Variants in PCDH15 observed in about 807,000 individuals in gnomAD.
PCDH15 encodes the protein protocadherin related 15, also known as protocadherin-15.
Under a neutral mutation model 178.5 loss-of-function variants are expected in PCDH15, and 129 were observed. The observed-to-expected ratio is 0.72, with a 90% CI of 0.63 to 0.84. The LOEUF is 0.84. Among genes scored for constraint, PCDH15 ranks in the 40% least tolerant of loss-of-function variants. The probability of loss-of-function intolerance (pLI) is 0.00; values close to 1 mark genes in which losing one functional copy is unlikely to be tolerated. For synonymous variants in PCDH15, 800 were observed against 732.0 expected, an observed-to-expected ratio of 1.09 and a Z score of -1.50; for missense variants, 2,230 against 2,099.9, an observed-to-expected ratio of 1.06 and a Z score of -1.21.
At chr10:54,284,049 G>A (rs2058877543) in intron 8 of PCDH15, among the ~76,000 whole-genome samples, 2 of 152,028 alleles carry the variant, frequency 1.3e-5, no homozygotes, top group South Asian at 4.1e-4. Flanking sequence ...TGCTCAGGCT[G>A]GTCTTGAACT....
chr10:54,369,062 A>G (rs914116648), intron 5 of PCDH15, 58 bp downstream of exon 5: 15 of 1,536,720 alleles, frequency 9.8e-6, no homozygotes, highest in East Asian at 2.3e-5. Context: ...CATTTATTGT[A>G]TATAGTTAGA....
At chr10:55,550,004 T>C (rs1841972506) in intron 2 of PCDH15, among the ~76,000 whole-genome samples, 1 of 152,106 alleles carries the variant, frequency 6.6e-6, no homozygotes, top group African/African-American at 2.4e-5. Flanking sequence ...AATGATTTTG[T>C]ATTTTCACCC....
At chr10:54,310,324 G>A (rs1400426207) in intron 8 of PCDH15, among the ~76,000 whole-genome samples, 2 of 152,112 alleles carry the variant, frequency 1.3e-5, no homozygotes, top group African/African-American at 4.8e-5. Flanking sequence ...ATGGTGGTTA[G>A]AGGAGTGAGA....
At position 53,891,526 on chromosome 10, in the gene PCDH15, T is replaced by C. The variant is rs566664091; in HGVS notation, c.3501+11717A>G. Among the ~76,000 whole-genome samples, 22 of 152,288 alleles carry C rather than the reference T, an allele frequency of 1.4e-4. No individual in the cohort carries two copies. In the South Asian group the frequency reaches 3.7e-3, roughly 26 times the overall value. On this transcript the variant is annotated intron_variant, in intron 26 of 37. Coordinates refer to ENST00000644397, the MANE Select transcript of PCDH15 (RefSeq NM_001384140.1). Reference sequence around the variant, plus strand: ...GCTAGAGTGCACTCAAACTTTAAAATATATGAGCCACCAGCAAGTTTAGGA... The same window carrying C: ...GCTAGAGTGCACTCAAACTTTAAAACATATGAGCCACCAGCAAGTTTAGGA...
At chr10:53,875,870 C>T (rs892999773) in intron 26 of PCDH15, among the ~76,000 whole-genome samples, 1 of 152,108 alleles carries the variant, frequency 6.6e-6, no homozygotes, top group Non-Finnish European at 1.5e-5. Flanking sequence ...AACTGTTCCC[C>T]TCTGTTGCCT....
chr10:55,290,176 C>T (rs1483314100), intron 1 of PCDH15, among the ~76,000 whole-genome samples: 2 of 151,612 alleles, frequency 1.3e-5, no homozygotes, highest in Admixed American at 6.6e-5. Flanking sequence ...TTATACAAAC[C>T]GTACATGTTT....
rs56290679 is a variant in PCDH15 at position 53,855,904 on chromosome 10, GTATA to G, written c.3806+1267_3806+1270del. Among the ~76,000 whole-genome samples, 18 of 109,694 alleles carry G rather than the reference GTATA, an allele frequency of 1.6e-4. 4 individuals carry two copies. The East Asian group carries it at 0.01, about 61-fold the overall frequency. 72.0% of individuals were successfully genotyped at this position (109,694 alleles called of 152,430 possible). On this transcript the variant is annotated intron_variant, in intron 28 of 37. Coordinates refer to ENST00000644397, the MANE Select transcript of PCDH15 (RefSeq NM_001384140.1). Reference sequence around the variant, plus strand: ...TAAAAGTTAAAAAAAAAGGTGATATGTATATATATATATATATGTATGTGTGTGT... The same window carrying G: ...TAAAAGTTAAAAAAAAAGGTGATATGTATATATATATATGTATGTGTGTGT...
chr10:54,683,973 AT>A (rs2094946969), intron 1 of PCDH15, among the ~76,000 whole-genome samples: 1 of 152,064 alleles, frequency 6.6e-6, no homozygotes, highest in African/African-American at 2.4e-5. Flanking sequence ...AAAGAAAAAA[AT>A]ATAGGCTTTT....
At chr10:54,079,536 C>A in intron 16 of PCDH15, 112 bp from the exon 17 acceptor site, 1 of 953,018 alleles carries the variant, frequency 1.0e-6, no homozygotes, top group South Asian at 1.3e-5. Flanking sequence ...TCTCAGTAAT[C>A]ACAGCTTGAG....
intron 2 of PCDH15, among the ~76,000 whole-genome samples, chr10:55,449,680 A>G (rs1839392711): frequency 6.6e-6 from 1 of 152,150 alleles, no homozygotes. Context: ...AATCTTAAAG[A>G]CCTGAGATAC....
In PCDH15 at chr10:53,866,648, A is replaced by G. The variant is rs61731382; in HGVS notation, c.3711T>C (p.Asp1237=). 2.5e-6 allele frequency: 4 copies of G among 1,613,266 alleles called. No individual in the cohort carries two copies. The highest frequency in any genetic ancestry group is 1.7e-4 in the Middle Eastern group (1 of 6,056). The change falls in exon 27 of 38, where the codon GAT becomes GAC. Residue 1237 remains aspartate (D), a synonymous_variant. Transcript: ENST00000644397. ...DYGKGLSGKA[D]VLVSVVNQLD... is the part of the protein sequence containing the mutation. ...TGAAGTTTTATCTACTTACGAGTAC[A>G]TCGGCTTTGCCGCTCAGTCCCTTCC...
At chr10:55,222,730 C>CACACACACACACACATATATAT in intron 1 of PCDH15, among the ~76,000 whole-genome samples, 11 of 121,274 alleles carry the variant, frequency 9.1e-5, no homozygotes, top group African/African-American at 1.4e-4. Flanking sequence ...CACACACACA[C>CACACACACACACACATATATAT]ATATATATAT....
At chr10:55,523,129 T>C (rs544372833) in intron 2 of PCDH15, among the ~76,000 whole-genome samples, 1 of 151,494 alleles carries the variant, frequency 6.6e-6, no homozygotes, top group East Asian at 2.0e-4. Context: ...TTGGGATCCA[T>C]TAGCTTCATG....
intron 2 of PCDH15, among the ~76,000 whole-genome samples, chr10:55,327,524 C>T (rs1276905344): frequency 1.3e-5 from 2 of 151,992 alleles, no homozygotes; most frequent in East Asian, 3.9e-4. Flanking sequence ...TTTCATCACA[C>T]ATTAATTCTT....
intron 20 of PCDH15, 106 bp downstream of exon 20, chr10:54,020,086 G>C: frequency 1.1e-6 from 1 of 929,828 alleles, no homozygotes. Context: ...GTACCACTGT[G>C]TCATTAGGAA....
At chr10:54,367,425 C>T (rs1226467181) in intron 5 of PCDH15, among the ~76,000 whole-genome samples, 20 of 152,084 alleles carry the variant, frequency 1.3e-4, no homozygotes, top group Admixed American at 1.3e-3. Flanking sequence ...AGTCAAATCA[C>T]ATAGGATGCT....
chr10:54,861,846 C>T (rs190599722), intron 3 of PCDH15, among the ~76,000 whole-genome samples: 2 of 152,284 alleles, frequency 1.3e-5, no homozygotes, highest in East Asian at 3.9e-4. Context: ...TTTAAAAATA[C>T]ATAAACAAAT....
chr10:54,233,905 G>A (rs2054336763), intron 9 of PCDH15, among the ~76,000 whole-genome samples: 2 of 152,126 alleles, frequency 1.3e-5, no homozygotes, highest in South Asian at 2.1e-4. Context: ...CCATTGAAGA[G>A]GTTGACAACA....
intron 1 of PCDH15, among the ~76,000 whole-genome samples, chr10:54,702,466 G>A (rs983747142): frequency 6.9e-6 from 1 of 145,000 alleles, no homozygotes; most frequent in African/African-American, 2.5e-5. Context: ...TGATAAGTAG[G>A]CTACTGAAAA....
Sources: gnomAD v4.1 joint callset for allele counts (sites outside exome capture counted in the v4.1 genomes callset) on GRCh38, gnomAD v4.1.1 for gene constraint, MANE v1.5 for transcripts, NCBI Gene and HGNC (gene_info 2026-07-23, HGNC 2026-07-21) for gene names.